The following KAT5 variants were observed in gnomAD, a reference collection of about 807,000 sequenced individuals.
KAT5 encodes histone acetyltransferase KAT5.
A neutral mutation model predicts 68.1 loss-of-function variants in KAT5; 31 were observed. The ratio of observed to expected loss-of-function variants is 0.46; its 90% CI spans 0.34 to 0.61. The LOEUF is 0.61. Ranked by LOEUF, KAT5 falls within the 20% of genes least tolerant of loss-of-function variation. The probability of loss-of-function intolerance (pLI) is 0.01; values close to 1 mark genes in which losing one functional copy is unlikely to be tolerated. For synonymous variants in KAT5, 365 were observed against 292.6 expected (o/e 1.25, Z -2.52); for missense variants, 451 against 725.5 (o/e 0.62, Z 4.35).
In KAT5 at chr11:65,713,455, C is replaced by T. The variant is rs1473323639; in HGVS notation, c.492C>T (p.Asp164=). 6.2e-7 allele frequency: 1 copy of T among 1,614,188 alleles called. No individual in the cohort carries two copies. The highest frequency in any genetic ancestry group is 1.1e-5 in the South Asian group (1 of 91,080). The change falls in exon 4 of 13, where the codon GAC becomes GAT. Residue 164 remains aspartate, a synonymous_variant. Transcript: ENST00000341318. ...EREAIPGGEP[D]QPLSSSSCLQ... ...AGGCCATTCCCGGTGGCGAGCCTGA[C>T]CAGCCGCTCTCCTCCAGCTCCTGCC...
rs1857090301 is a variant in KAT5 at position 65,713,390 on chromosome 11, G to A, written c.427G>A (p.Val143Ile). 6 of 1,613,936 alleles carry A rather than the reference G, an allele frequency of 3.7e-6. No individual in the cohort carries two copies. Among genetic ancestry groups the A allele is most frequent in the Non-Finnish European group, 4.2e-6 (5 of 1,179,988 alleles). Residue 143 changes from valine (V) to isoleucine (I), a missense_variant, in exon 4 of 13, where the codon GTC (valine) becomes ATC (isoleucine). Val to Ile is a conservative substitution (Grantham distance 29, BLOSUM62 3). Around this residue, in one of 4 missense-constraint regions of KAT5, gnomAD observed 135 missense variants for 173.4 expected, o/e 0.78. Transcript: ENST00000341318. ...QASGKTLPIP[V>I]QITLRFNLPK... The stretch of plus-strand genomic sequence containing the variant: ...CAGCGGGAAGACCTTGCCAATCCCG[G>A]TCCAGATCACACTCCGCTTCAACCT...
intron 3 of KAT5, 133 bp from the exon 4 acceptor site, chr11:65,713,214 TC>T: frequency 7.7e-7 from 1 of 1,305,926 alleles, no homozygotes; most frequent in Non-Finnish European, 1.1e-6. Context: ...GCTCCCAGAG[TC>T]CAGTAGCTAG....
intron 6 of KAT5, 78 bp downstream of exon 6, chr11:65,713,926 A>C: frequency 7.6e-7 from 1 of 1,314,314 alleles, no homozygotes; most frequent in Non-Finnish European, 1.1e-6. Context: ...TTTAGTGATG[A>C]GTTTAAAAAT....
At position 65,713,680 on chromosome 11, in the gene KAT5, A is replaced by G. The variant is rs1406254795; in HGVS notation, c.615+13A>G. 1 of 1,613,990 alleles carries G rather than the reference A, an allele frequency of 6.2e-7. No individual in the cohort carries two copies. The highest frequency in any genetic ancestry group is 8.5e-7 in the Non-Finnish European group (1 of 1,179,956). The stretch of plus-strand genomic sequence containing the variant: ...GGTTTTTCCCCAGGTGAGTTCCCCA[A>G]ACCATCTCTTGTTCTCTTCCTCTCT... On this transcript the variant is annotated intron_variant, in intron 5 of 12. Transcript: ENST00000341318.
At position 65,713,111 on chromosome 11, in the gene KAT5, C is replaced by T. The variant is rs544522622; in HGVS notation, c.384+53C>T. The stretch of plus-strand genomic sequence containing the variant: ...CTCTCCTGCCTCCTATTTCTCTTGT[C>T]TGTTGGCATTAGGAGCTCCTGGATG... On this transcript the variant is annotated intron_variant, in intron 3 of 12. Coordinates refer to ENST00000341318, the MANE Select transcript of KAT5 (RefSeq NM_182710.3). 88 of 1,606,442 alleles carry T rather than the reference C, an allele frequency of 5.5e-5. No homozygotes were observed. In the East Asian group the frequency reaches 1.6e-3, roughly 29 times the overall value.
Position 65,713,418 on chromosome 11 carries a change from C to G in KAT5, c.455C>G (p.Pro152Arg), listed in dbSNP as rs1857091434. The change falls in exon 4 of 13, where the codon CCC (proline) becomes CGC (arginine). Residue 152 changes from proline (P) to arginine (R), a missense_variant. By Grantham distance (103) the Pro-to-Arg change is moderately radical. Around this residue, in one of 4 missense-constraint regions of KAT5, gnomAD observed 135 missense variants for 173.4 expected, o/e 0.78. Transcript: ENST00000341318. ...PVQITLRFNL[P>R]KEREAIPGGE... Reference sequence around the variant, plus strand: ...CAGATCACACTCCGCTTCAACCTGCCCAAGGAGCGGGAGGCCATTCCCGGT... The same window carrying G: ...CAGATCACACTCCGCTTCAACCTGCGCAAGGAGCGGGAGGCCATTCCCGGT... The G allele has an allele frequency of 5.0e-6, 8 of 1,614,124 alleles. No homozygotes were observed. The highest frequency in any genetic ancestry group is 5.9e-6 in the Non-Finnish European group (7 of 1,180,014).
chr11:65,716,373 T>C (rs112649462), intron 8 of KAT5: 2 of 390,550 alleles, frequency 5.1e-6, no homozygotes, highest in African/African-American at 2.0e-5. Context: ...GGCAGTGGTC[T>C]CTCCTGGTCA....
At chr11:65,716,613 T>C in intron 8 of KAT5, 54 bp from the exon 9 acceptor site, 1 of 1,570,906 alleles carries the variant, frequency 6.4e-7, no homozygotes, top group East Asian at 2.2e-5. Context: ...CCTGAACCAC[T>C]GGCCAGGCTC....
intron 8 of KAT5, among the ~76,000 whole-genome samples, chr11:65,715,633 T>C (rs899165665): frequency 1.1e-4 from 17 of 151,846 alleles, no homozygotes; most frequent in African/African-American, 4.1e-4. Flanking sequence ...TGGTGGCGGG[T>C]GCCTGTAATC....
At chr11:65,712,238 G>A (rs760744390), upstream of KAT5, 20 of 1,399,184 alleles carry the variant, frequency 1.4e-5, no homozygotes, top group African/African-American at 2.7e-4. Context: ...TCTCCCAGAG[G>A]GGCCGGAAGT....
chr11:65,717,395 G>A (rs991925904), intron 10 of KAT5: 1 of 272,116 alleles, frequency 3.7e-6, no homozygotes, highest in Non-Finnish European at 7.2e-6. Context: ...TATCCAAAAT[G>A]CTGTCAGCAG....
intron 8 of KAT5, 72 bp downstream of exon 8, chr11:65,714,982 G>A: frequency 3.8e-6 from 5 of 1,331,724 alleles, no homozygotes; most frequent in Non-Finnish European, 4.3e-6. Flanking sequence ...GGTAAACACT[G>A]ACCAGTCAAG....
intron 1 of KAT5, 112 bp from the exon 2 acceptor site, chr11:65,712,654 G>C: frequency 7.4e-7 from 1 of 1,346,026 alleles, no homozygotes; most frequent in African/African-American, 1.4e-5. Flanking sequence ...GCTTAGGAGA[G>C]ACCTAAGTGC....
intron 10 of KAT5, chr11:65,717,899 G>A (rs1449284853): frequency 1.3e-5 from 2 of 152,550 alleles, no homozygotes; most frequent in Non-Finnish European, 2.9e-5. Context: ...CCTGACTGGG[G>A]AGAATGAAGA....
At chr11:65,716,623 C>G (rs773891234) in intron 8 of KAT5, 44 bp from the exon 9 acceptor site, 1 of 1,597,804 alleles carries the variant, frequency 6.3e-7, no homozygotes, top group Non-Finnish European at 8.5e-7. Flanking sequence ...TGGCCAGGCT[C>G]AAGGCGGGAT....
In KAT5 at chr11:65,719,042, C is replaced by T. The variant is rs1167467612; in HGVS notation, c.1507-5C>T. On this transcript the variant is annotated splice_region_variant and splice_polypyrimidine_tract_variant and intron_variant, in intron 12 of 12. Transcript: ENST00000341318. The stretch of plus-strand genomic sequence containing the variant: ...CCACCTGCTGAACCCATCTCCTCTG[C>T]CCAGGGCCAGTACATCCTCACACTG... The T allele has an allele frequency of 6.2e-7, 1 of 1,614,072 alleles. No homozygotes were observed. Among genetic ancestry groups the T allele is most frequent in the Non-Finnish European group, 8.5e-7 (1 of 1,179,976 alleles).
intron 8 of KAT5, 112 bp from the exon 9 acceptor site, chr11:65,716,555 C>A: frequency 2.9e-6 from 3 of 1,024,634 alleles, no homozygotes; most frequent in Non-Finnish European, 2.9e-6. Context: ...GAACACTCAT[C>A]ACCTAGCAGC....
chr11:65,716,970 C>G lies in KAT5; in HGVS notation c.1252C>G (p.Leu418Val). ...CCAGCGCCGGGGCTACGGCAAGCTG[C>G]TGATCGAGTTCAGTGAGTATGTGTG... ...PYQRRGYGKL[L>V]IEFSYELSKV... is the part of the protein sequence containing the mutation. Residue 418 changes from leucine (L) to valine (V), a missense_variant, in exon 10 of 13, where the codon CTG (leucine) becomes GTG (valine). Physicochemically the swap from Leu to Val is conservative, Grantham distance 32. This residue lies in a region of KAT5 where 210 missense variants were observed against 423.7 expected (regional missense o/e 0.50). Coordinates refer to ENST00000341318, the MANE Select transcript of KAT5 (RefSeq NM_182710.3). 6.2e-7 allele frequency: 1 copy of G among 1,613,674 alleles called. No homozygotes were observed. Among genetic ancestry groups the G allele is most frequent in the Non-Finnish European group, 8.5e-7 (1 of 1,179,512 alleles).
rs559559492 is a variant in KAT5, at chr11:65,717,207, T to G, written c.1264+225T>G. On this transcript the variant is annotated intron_variant, in intron 10 of 12. Transcript: ENST00000341318. ...CCCCCAGTTTGCTCCTTGGCCAGGG[T>G]TCTAAGTGCCACTCAGCTTTCCCCA... 1.0e-5 allele frequency: 6 copies of G among 590,000 alleles called. No individual in the cohort carries two copies. The African/African-American group carries it at 1.1e-4, about 11-fold the overall frequency. 36.5% of individuals were successfully genotyped at this position (590,000 alleles called of 1,614,324 possible). A position where few individuals can be genotyped will look rare whatever the true frequency, so the allele number is the denominator to read the frequency against.
Sources: allele counts gnomAD v4.1 joint callset (sites outside exome capture counted in the v4.1 genomes callset), GRCh38; gene constraint gnomAD v4.1.1; regional missense constraint gnomAD v4.1.1; transcripts MANE v1.5; gene names NCBI Gene and HGNC (gene_info 2026-07-23, HGNC 2026-07-21).